Variants in MTOR observed in about 807,000 individuals in gnomAD.
MTOR encodes the protein mechanistic target of rapamycin kinase.
In MTOR, 70 loss-of-function variants were observed where a neutral mutation model predicts 319.8. The observed-to-expected ratio is 0.22, with a 90% CI of 0.18 to 0.27. The LOEUF is 0.27. MTOR is among the 10% of genes least tolerant of loss of function. MTOR has a pLI of 1.00. For synonymous variants in MTOR, 1,183 were observed against 1,211.4 expected (o/e 0.98, Z 0.49); for missense variants, 1,890 against 3,274.4 (o/e 0.58, Z 10.32).
At chr1:11,236,035 T>A (rs1424918646) in intron 13 of MTOR, among the ~76,000 whole-genome samples, 1 of 151,878 alleles carries the variant, frequency 6.6e-6, no homozygotes, top group East Asian at 1.9e-4. Flanking sequence ...ACTGCTATAT[T>A]CCCAGTGCCC....
intron 13 of MTOR, among the ~76,000 whole-genome samples, chr1:11,234,672 TG>T (rs1647136154): frequency 6.6e-6 from 1 of 152,146 alleles, no homozygotes; most frequent in Non-Finnish European, 1.5e-5. Flanking sequence ...AGCAAATTAC[TG>T]AAGACTACAA....
intron 30 of MTOR, among the ~76,000 whole-genome samples, chr1:11,154,975 C>T (rs887297840): frequency 1.8e-4 from 27 of 152,176 alleles, no homozygotes; most frequent in African/African-American, 4.6e-4. Context: ...TGTGAGACTC[C>T]GTCTCTACAA....
chr1:11,236,379 T>G (rs1299773422), intron 13 of MTOR, among the ~76,000 whole-genome samples: 1 of 152,044 alleles, frequency 6.6e-6, no homozygotes, highest in African/African-American at 2.4e-5. Flanking sequence ...GCTCCTGTGA[T>G]CCGCCTGCCT....
chr1:11,157,477 A>G (rs1417350046), intron 29 of MTOR, among the ~76,000 whole-genome samples, 186 bp from the exon 30 acceptor site: 1 of 152,204 alleles, frequency 6.6e-6, no homozygotes, highest in African/African-American at 2.4e-5. Flanking sequence ...GGAAGGTGGA[A>G]ATACTGGTTC....
chr1:11,148,887 G>A (rs1167051154), intron 31 of MTOR, among the ~76,000 whole-genome samples: 1 of 150,466 alleles, frequency 6.6e-6, no homozygotes, highest in Non-Finnish European at 1.5e-5. Context: ...GACAGAGCGA[G>A]ACTCCATGTC....
chr1:11,146,414 A>G (rs928292863), intron 32 of MTOR, among the ~76,000 whole-genome samples: 2 of 152,198 alleles, frequency 1.3e-5, no homozygotes, highest in African/African-American at 4.8e-5. Context: ...AAGGGATACA[A>G]TGATGACCCA....
At chr1:11,167,963 A>G (rs1644698873) in intron 28 of MTOR, among the ~76,000 whole-genome samples, 1 of 152,044 alleles carries the variant, frequency 6.6e-6, no homozygotes, top group Non-Finnish European at 1.5e-5. Context: ...CCAGCTACTC[A>G]GGAGGCTGAC....
intron 29 of MTOR, among the ~76,000 whole-genome samples, chr1:11,160,496 GA>G (rs1227956160): frequency 2.0e-5 from 3 of 152,184 alleles, no homozygotes; most frequent in Non-Finnish European, 4.4e-5. Context: ...CTCCCACAAA[GA>G]TAACTCAGAT....
intron 19 of MTOR, among the ~76,000 whole-genome samples, chr1:11,223,199 GGTAAATAA>G (rs1479796897): frequency 6.6e-6 from 1 of 150,530 alleles, no homozygotes; most frequent in East Asian, 1.9e-4. Context: ...AGAGGGAAAA[GGTAAATAA>G]GTAGTGAAAG....
At position 11,115,546 on chromosome 1, in the gene MTOR, T is replaced by TAA; in HGVS notation, c.7017-80_7017-79dup. ...AAAAATCAATAAGTACGTGATACTGTAAGCTAGGAGTTGGCAAACGATAGC... is the reference window on the plus strand; with the variant it reads ...AAAAATCAATAAGTACGTGATACTGTAAAAGCTAGGAGTTGGCAAACGATAGC... On this transcript the variant is annotated intron_variant, in intron 50 of 57. Coordinates refer to ENST00000361445, the MANE Select transcript of MTOR (RefSeq NM_004958.4). The surrounding 1 kb of genome is among the most constrained non-coding windows in gnomAD (Gnocchi z 4.5). 1 of 1,406,222 alleles carries TAA rather than the reference T, an allele frequency of 7.1e-7. No individual in the cohort carries two copies. The highest frequency in any genetic ancestry group is 1.0e-6 in the Non-Finnish European group (1 of 993,110). 87.1% of individuals were successfully genotyped at this position (1,406,222 alleles called of 1,614,324 possible). A position where few individuals can be genotyped will look rare whatever the true frequency, so the allele number is the denominator to read the frequency against.
rs1642545853 is a variant in MTOR, at chr1:11,121,892, A to G, written c.6810+87T>C. 2.6e-6 allele frequency: 4 copies of G among 1,510,060 alleles called. No individual in the cohort carries two copies. The African/African-American group carries it at 5.5e-5, about 21-fold the overall frequency. The allele number at this position is 1,510,060 out of a possible 1,614,324, so 93.5% of individuals were successfully genotyped here. A position where few individuals can be genotyped will look rare whatever the true frequency, so the allele number is the denominator to read the frequency against. On this transcript the variant is annotated intron_variant, in intron 48 of 57. Transcript: ENST00000361445. The surrounding 1 kb of genome is among the most constrained non-coding windows in gnomAD (Gnocchi z 4.9). The stretch of plus-strand genomic sequence containing the variant: ...TCTCTCAAAGAGATTTTTCAGTGAC[A>G]GACATACAGAGAGGAATGAGAAAAG...
At chr1:11,170,693 C>CT (rs1218094973) in intron 28 of MTOR, among the ~76,000 whole-genome samples, 6 of 118,504 alleles carry the variant, frequency 5.1e-5, no homozygotes, top group East Asian at 2.4e-4. Context: ...TTTTTTTTTT[C>CT]TTTTTTTTGA....
In MTOR at chr1:11,212,616, T is replaced by C; in HGVS notation, c.3399-142A>G. On this transcript the variant is annotated intron_variant, in intron 22 of 57. Coordinates refer to ENST00000361445, the MANE Select transcript of MTOR (RefSeq NM_004958.4). This position sits in a 1 kb window ranked among gnomAD's most constrained non-coding sequence, Gnocchi z 4.1. The stretch of plus-strand genomic sequence containing the variant: ...TATTTTGGATGACATGGATCCAACA[T>C]TTATTCCAATGGGATAGGGACAGTT... The C allele has an allele frequency of 2.6e-6, 3 of 1,139,214 alleles. No individual in the cohort carries two copies. 70.6% of individuals were successfully genotyped at this position (1,139,214 alleles called of 1,614,324 possible). A position where few individuals can be genotyped will look rare whatever the true frequency, so the allele number is the denominator to read the frequency against.
At chr1:11,203,813 G>C (rs368763302) in intron 26 of MTOR, among the ~76,000 whole-genome samples, 1 of 152,162 alleles carries the variant, frequency 6.6e-6, no homozygotes, top group African/African-American at 2.4e-5. Context: ...GCCTGACTGC[G>C]CCTTTGTGGC....
intron 47 of MTOR, 48 bp from the exon 48 acceptor site, chr1:11,122,174 C>T (rs1642564900): frequency 6.2e-7 from 1 of 1,604,380 alleles, no homozygotes; most frequent in South Asian, 1.1e-5. Flanking sequence ...AGAGAGTATA[C>T]CCTTGAGCAG....
intron 31 of MTOR, among the ~76,000 whole-genome samples, chr1:11,147,301 C>A (rs748250409): frequency 6.6e-6 from 1 of 152,082 alleles, no homozygotes; most frequent in Non-Finnish European, 1.5e-5. Flanking sequence ...ATCTTTGCCT[C>A]AGGAGGGAGG....
At chr1:11,204,057 T>C (rs2100763124) in intron 26 of MTOR, among the ~76,000 whole-genome samples, 1 of 152,310 alleles carries the variant, frequency 6.6e-6, no homozygotes. Flanking sequence ...ACCTGCACTT[T>C]GCCAGACACA....
chr1:11,162,804 C>A (rs781743904), intron 29 of MTOR, among the ~76,000 whole-genome samples: 16 of 152,160 alleles, frequency 1.1e-4, no homozygotes, highest in Non-Finnish European at 2.1e-4. Context: ...TGGAAAGGAA[C>A]AACCGGTACC....
chr1:11,233,044 G>C, intron 15 of MTOR: 1 of 1,012,712 alleles, frequency 9.9e-7, no homozygotes, highest in Non-Finnish European at 1.5e-6. Flanking sequence ...CAGTGGATTC[G>C]GATGAAAACT....
Sources: gnomAD v4.1 joint callset for allele counts (sites outside exome capture counted in the v4.1 genomes callset) on GRCh38, gnomAD v4.1.1 for gene constraint, Gnocchi (gnomAD v3.1) non-coding constraint, MANE v1.5 for transcripts, NCBI Gene and HGNC (gene_info 2026-07-23, HGNC 2026-07-21) for gene names.